The following LIMK2 variants were observed in gnomAD, a reference collection of about 807,000 sequenced individuals.
LIMK2 encodes LIM domain kinase 2.
A neutral mutation model predicts 75.7 loss-of-function variants in LIMK2; 35 were observed. That is an observed-to-expected ratio of 0.46 (90% CI 0.35 to 0.61). The LOEUF (loss-of-function observed/expected upper bound fraction) is 0.61. Among genes scored for constraint, LIMK2 ranks in the 20% least tolerant of loss-of-function variants. The pLI, the probability that LIMK2 is intolerant of heterozygous loss-of-function variation, is 0.00. For synonymous variants in LIMK2, 301 were observed against 319.2 expected (o/e 0.94, Z 0.61); for missense variants, 623 against 831.0 (o/e 0.75, Z 3.08).
At chr22:31,242,462 G>A (rs2283879) in intron 2 of LIMK2, among the ~76,000 whole-genome samples, 120,292 of 152,196 alleles carry the variant, frequency 0.79, 48,504 homozygotes, top group African/African-American at 0.95. Flanking sequence ...ACACTTTGGA[G>A]ATATTGCACC....
intron 2 of LIMK2, among the ~76,000 whole-genome samples, chr22:31,255,597 T>C (rs1371599802): frequency 1.3e-5 from 2 of 152,224 alleles, no homozygotes; most frequent in Admixed American, 1.3e-4. Context: ...CCTCCCGCAG[T>C]GCTCAGAAGT....
intron 2 of LIMK2, among the ~76,000 whole-genome samples, chr22:31,246,213 A>ACACACACACACACACACG (rs2048668956): frequency 6.8e-6 from 1 of 146,924 alleles, no homozygotes; most frequent in Admixed American, 6.8e-5. Flanking sequence ...ACACACACAC[A>ACACACACACACACACACG]CACGCTGGGT....
intron 12 of LIMK2, 167 bp from the exon 13 acceptor site, chr22:31,272,363 C>T (rs2048967401): frequency 1.9e-6 from 1 of 528,566 alleles, no homozygotes; most frequent in Non-Finnish European, 3.1e-6. Flanking sequence ...GTGGAAGCCA[C>T]CGTGCCTGGC....
chr22:31,271,289 C>G (rs2123860807), intron 12 of LIMK2, 88 bp downstream of exon 12: 1 of 1,153,070 alleles, frequency 8.7e-7, no homozygotes, highest in East Asian at 2.3e-5. Flanking sequence ...TCCCCTCTGG[C>G]TAGAGGGCAG....
intron 2 of LIMK2, among the ~76,000 whole-genome samples, chr22:31,226,536 C>G (rs1363039757): frequency 6.6e-6 from 1 of 152,262 alleles, no homozygotes; most frequent in Non-Finnish European, 1.5e-5. Flanking sequence ...GCAGAGCCAG[C>G]TCTTCCTCAC....
At chr22:31,249,215 G>C (rs1246242174) in intron 2 of LIMK2, among the ~76,000 whole-genome samples, 2 of 152,304 alleles carry the variant, frequency 1.3e-5, no homozygotes, top group South Asian at 2.1e-4. Flanking sequence ...GCAAGTCCTG[G>C]GTGTGGGTAG....
intron 1 of LIMK2, among the ~76,000 whole-genome samples, chr22:31,214,348 G>T (rs1196233479): frequency 6.6e-6 from 1 of 152,176 alleles, no homozygotes; most frequent in East Asian, 1.9e-4. Flanking sequence ...TGGCTTTGTG[G>T]TGCTTAATAA....
intron 11 of LIMK2, among the ~76,000 whole-genome samples, chr22:31,269,959 A>G (rs1282173745): frequency 6.6e-6 from 1 of 150,490 alleles, no homozygotes; most frequent in East Asian, 1.9e-4. Context: ...GTTGGCAATG[A>G]GGGAACAGGA....
intron 2 of LIMK2, among the ~76,000 whole-genome samples, chr22:31,232,125 C>T (rs949261883): frequency 1.3e-5 from 2 of 151,956 alleles, no homozygotes; most frequent in Admixed American, 6.6e-5. Flanking sequence ...AGTGCAACCC[C>T]CATTTTATAC....
intron 15 of LIMK2, among the ~76,000 whole-genome samples, chr22:31,276,546 T>C (rs1157069053): frequency 6.9e-6 from 1 of 145,706 alleles, no homozygotes; most frequent in Non-Finnish European, 1.5e-5. Context: ...GCCCGGGGGC[T>C]CCGCATGCTG....
At chr22:31,267,997 G>T in intron 10 of LIMK2, 90 bp downstream of exon 10, 2 of 1,554,972 alleles carry the variant, frequency 1.3e-6, no homozygotes, top group Non-Finnish European at 1.8e-6. Flanking sequence ...AGGGCAGAGG[G>T]GCCCTGCTTT....
At chr22:31,218,231 T>C (rs1239435332) in intron 1 of LIMK2, among the ~76,000 whole-genome samples, 3 of 152,180 alleles carry the variant, frequency 2.0e-5, no homozygotes. Context: ...GGAGACAAGC[T>C]CAGAGAGGTC....
At chr22:31,225,148 C>T (rs925062936) in intron 1 of LIMK2, among the ~76,000 whole-genome samples, 5 of 152,118 alleles carry the variant, frequency 3.3e-5, no homozygotes, top group African/African-American at 4.8e-5. Context: ...GCCTAGGGTC[C>T]GTGGAAAAAT....
intron 13 of LIMK2, among the ~76,000 whole-genome samples, 185 bp from the exon 14 acceptor site, chr22:31,273,267 G>C (rs1003312162): frequency 2.6e-5 from 4 of 152,188 alleles, no homozygotes; most frequent in Non-Finnish European, 4.4e-5. Flanking sequence ...GGCTCTCCAA[G>C]GCAGTTCACC....
chr22:31,266,445 A>G (rs2048896672), intron 8 of LIMK2, among the ~76,000 whole-genome samples: 1 of 152,112 alleles, frequency 6.6e-6, no homozygotes, highest in African/African-American at 2.4e-5. Context: ...TACAAGGAGC[A>G]CACAGGGGAA....
intron 2 of LIMK2, among the ~76,000 whole-genome samples, chr22:31,255,270 C>T (rs1171798418): frequency 6.6e-6 from 1 of 152,202 alleles, no homozygotes; most frequent in Admixed American, 6.5e-5. Context: ...ATTTAGAGCT[C>T]ATCCCACATG....
At chr22:31,239,137 C>G (rs1190401620) in intron 2 of LIMK2, among the ~76,000 whole-genome samples, 1 of 152,214 alleles carries the variant, frequency 6.6e-6, no homozygotes, top group Non-Finnish European at 1.5e-5. Flanking sequence ...AGTTGGCCAG[C>G]AAATTTCACA....
intron 2 of LIMK2, among the ~76,000 whole-genome samples, chr22:31,247,510 A>G (rs1416178565): frequency 6.6e-6 from 1 of 152,212 alleles, no homozygotes; most frequent in Non-Finnish European, 1.5e-5. Context: ...CACTCAGTGA[A>G]TAGTGAGTGA....
At chr22:31,276,720 G>C in intron 15 of LIMK2, 1 of 1,439,974 alleles carries the variant, frequency 6.9e-7, no homozygotes, top group Non-Finnish European at 9.1e-7. Context: ...GGGGGGCGCG[G>C]CGTTGGCGGC....
Sources: allele counts gnomAD v4.1 joint callset (sites outside exome capture counted in the v4.1 genomes callset), GRCh38; gene constraint gnomAD v4.1.1; transcripts MANE v1.5; gene names NCBI Gene and HGNC (gene_info 2026-07-23, HGNC 2026-07-21).